The following SERPINB13 variants were observed in gnomAD, a reference collection of about 807,000 sequenced individuals.
SERPINB13 encodes the protein serpin B13.
SERPINB13 carries 26 observed loss-of-function variants against 31.2 expected under a neutral mutation model. The ratio of observed to expected loss-of-function variants is 0.83; its 90% CI spans 0.61 to 1.15. The LOEUF (loss-of-function observed/expected upper bound fraction) is 1.15. Ranked by LOEUF, SERPINB13 falls within the 50% of genes most tolerant of loss-of-function variation. The pLI is 0.00. For synonymous variants in SERPINB13, 191 were observed against 172.4 expected (o/e 1.11, Z -0.85); for missense variants, 510 against 469.4 (o/e 1.09, Z -0.80).
In SERPINB13 at chr18:63,595,014, G is replaced by A; in HGVS notation, c.616-15G>A. On this transcript the variant is annotated splice_polypyrimidine_tract_variant and intron_variant, in intron 6 of 7. Transcript: ENST00000344731. Reference sequence around the variant, plus strand: ...TATGTCCTTTGATATTGTGTGCTCTGTTAATTTGTTGCAGAGCACAAGTAA... The same window carrying A: ...TATGTCCTTTGATATTGTGTGCTCTATTAATTTGTTGCAGAGCACAAGTAA... 1 of 1,600,772 alleles carries A rather than the reference G, an allele frequency of 6.2e-7. No individual in the cohort carries two copies. The highest frequency in any genetic ancestry group is 1.1e-5 in the South Asian group (1 of 88,104).
At chr18:63,587,664 C>T (rs958430232) in intron 1 of SERPINB13, among the ~76,000 whole-genome samples, 17 of 152,188 alleles carry the variant, frequency 1.1e-4, no homozygotes, top group Admixed American at 2.6e-4. Flanking sequence ...GCAAGGAAAC[C>T]TGAGGTTGAA....
In SERPINB13 at chr18:63,599,163, A is replaced by G. The variant is rs1912357122; in HGVS notation, c.*1800A>G. The G allele has an allele frequency of 1.3e-5, 2 of 152,116 alleles. No homozygotes were observed. The highest frequency in any genetic ancestry group is 4.8e-5 in the African/African-American group (2 of 41,426). The allele number at this position is 152,116 out of a possible 1,614,324, so 9.4% of individuals were successfully genotyped here. On this transcript the variant is annotated 3_prime_UTR_variant, in exon 8 of 8. Transcript: ENST00000344731. ...ATAATCTCTGGCTTACAAGTCCTTA[A>G]TTTATCAAATATATGATACGTGGAC...
intron 2 of SERPINB13, 51 bp downstream of exon 2, chr18:63,588,883 GC>G (rs77936810): frequency 0.73 from 1,118,276 of 1,521,480 alleles, 409,973 homozygotes; most frequent in Non-Finnish European, 0.76. Context: ...AATTCATTTG[GC>G]GGGGGGGTTG....
rs1294043105 is a variant in SERPINB13 at position 63,595,114 on chromosome 18, G to A, written c.701G>A (p.Gly234Glu). ...GAGGACTTGCAGGCCAAAATTCTAGGGATTCCATATAAAAACAACGACCTA... is the reference window on the plus strand; with the variant it reads ...GAGGACTTGCAGGCCAAAATTCTAGAGATTCCATATAAAAACAACGACCTA... The part of the protein sequence containing the change: ...FLEDLQAKIL[G>E]IPYKNNDLSM... The change falls in exon 7 of 8, where the codon GGG (glycine) becomes GAG (glutamate). Residue 234 changes from glycine to glutamate, a missense_variant. Gly to Glu is a moderately conservative substitution (Grantham distance 98). Transcript: ENST00000344731. 5.6e-6 allele frequency: 9 copies of A among 1,613,988 alleles called. No individual in the cohort carries two copies. Among genetic ancestry groups the A allele is most frequent in the Non-Finnish European group, 7.6e-6 (9 of 1,179,960 alleles).
intron 3 of SERPINB13, 104 bp from the exon 4 acceptor site, chr18:63,592,244 G>A: frequency 7.6e-7 from 1 of 1,321,762 alleles, no homozygotes; most frequent in Non-Finnish European, 1.0e-6. Flanking sequence ...CACCCTTGAG[G>A]CTGACAAACG....
Position 63,597,493 on chromosome 18 carries a change from A to T in SERPINB13, c.*130A>T. 2.2e-6 allele frequency: 2 copies of T among 923,034 alleles called. No homozygotes were observed. The highest frequency in any genetic ancestry group is 3.3e-6 in the Non-Finnish European group (2 of 615,144). 57.2% of individuals were successfully genotyped at this position (923,034 alleles called of 1,614,324 possible). A position where few individuals can be genotyped will look rare whatever the true frequency, so the allele number is the denominator to read the frequency against. On this transcript the variant is annotated 3_prime_UTR_variant, in exon 8 of 8. Coordinates refer to ENST00000344731, the MANE Select transcript of SERPINB13 (RefSeq NM_012397.4). ...ATTTCCAGTCTTGGCCATCAAATCA[A>T]TGATTTAATGACTCCAATAATGTGT...
chr18:63,592,319 C>T (rs900514944), intron 3 of SERPINB13, 29 bp from the exon 4 acceptor site: 2 of 1,597,668 alleles, frequency 1.3e-6, no homozygotes, highest in African/African-American at 2.7e-5. Context: ...GCCAAGATAA[C>T]CTGTTGAGAT....
chr18:63,592,907 T>G lies in SERPINB13; in HGVS notation c.408T>G (p.Asp136Glu). 6.2e-7 allele frequency: 1 copy of G among 1,613,398 alleles called. No individual in the cohort carries two copies. The highest frequency in any genetic ancestry group is 8.5e-7 in the Non-Finnish European group (1 of 1,179,680). The part of the protein sequence containing the change: ...KYYHASLEPV[D>E]FVNAADESRK... ...ATCATGCATCTCTGGAACCTGTTGA[T>G]TTTGTAAATGCAGCCGATGAAAGTC... Residue 136 changes from aspartate (D) to glutamate (E), a missense_variant, in exon 5 of 8, where the codon GAT becomes GAG. Coordinates refer to ENST00000344731, the MANE Select transcript of SERPINB13 (RefSeq NM_012397.4).
At chr18:63,587,654 G>A (rs1206487788) in intron 1 of SERPINB13, among the ~76,000 whole-genome samples, 2 of 152,244 alleles carry the variant, frequency 1.3e-5, no homozygotes, top group Non-Finnish European at 2.9e-5. Context: ...AAGGATCTCT[G>A]CAAGGAAACC....
At chr18:63,592,587 G>A in intron 4 of SERPINB13, 111 bp downstream of exon 4, 1 of 1,128,090 alleles carries the variant, frequency 8.9e-7, no homozygotes, top group South Asian at 1.5e-5. Flanking sequence ...CCACATCCCT[G>A]TGGTGCTTTT....
At chr18:63,593,932 T>C (rs942839118) in intron 5 of SERPINB13, 12 of 465,036 alleles carry the variant, frequency 2.6e-5, no homozygotes, top group African/African-American at 2.2e-4. Context: ...GAGTGCTTAT[T>C]ATGTGTGAGA....
Position 63,597,703 on chromosome 18 carries a change from G to C in SERPINB13, c.*340G>C, listed in dbSNP as rs539808471. 1.0e-5 allele frequency: 2 copies of C among 197,832 alleles called. No individual in the cohort carries two copies. The highest frequency in any genetic ancestry group is 5.3e-5 in the Admixed American group (1 of 18,890). The allele number at this position is 197,832 out of a possible 1,614,324, so 12.3% of individuals were successfully genotyped here. On this transcript the variant is annotated 3_prime_UTR_variant, in exon 8 of 8. Coordinates refer to ENST00000344731, the MANE Select transcript of SERPINB13 (RefSeq NM_012397.4). ...TAAAGAGTACGAACTAGTAATTTTG[G>C]GGGGTCTCTCTAATTCTGGTATTTT...
At chr18:63,590,917 C>G (rs1568144586) in intron 3 of SERPINB13, among the ~76,000 whole-genome samples, 1 of 152,180 alleles carries the variant, frequency 6.6e-6, no homozygotes, top group Non-Finnish European at 1.5e-5. Flanking sequence ...TGCCCAGAGA[C>G]TGGCTTGGCA....
In SERPINB13 at chr18:63,595,123, A is replaced by T. The variant is rs1912088603; in HGVS notation, c.710A>T (p.Tyr237Phe). 4 of 1,614,128 alleles carry T rather than the reference A, an allele frequency of 2.5e-6. No individual in the cohort carries two copies. The highest frequency in any genetic ancestry group is 3.4e-6 in the Non-Finnish European group (4 of 1,180,000). ...CAGGCCAAAATTCTAGGGATTCCAT[A>T]TAAAAACAACGACCTAAGCATGTTT... ...DLQAKILGIPYKNNDLSMFVL... is the reference protein window; with the variant it reads ...DLQAKILGIPFKNNDLSMFVL... Residue 237 changes from tyrosine (Y) to phenylalanine (F), a missense_variant, in exon 7 of 8, where the codon TAT becomes TTT. Transcript: ENST00000344731.
At position 63,597,165 on chromosome 18, in the gene SERPINB13, C is replaced by G; in HGVS notation, c.978C>G (p.Tyr326Ter). The G allele has an allele frequency of 6.2e-7, 1 of 1,614,202 alleles. No individual in the cohort carries two copies. Among genetic ancestry groups the G allele is most frequent in the Non-Finnish European group, 8.5e-7 (1 of 1,180,040 alleles). ...GAATGTCGTCAGGCTCCGGGTTGTA[C>G]GCCCAGAAGTTCCTGCACAGTTCCT... ...YSGMSSGSGL[Y>*]AQKFLHSSFV... Residue 326 changes from tyrosine (Y) to a stop codon, truncating the protein, a stop_gained, in exon 8 of 8, where the codon TAC becomes TAG. Transcript: ENST00000344731. LOFTEE classifies it low-confidence loss of function (END_TRUNC).
Position 63,597,452 on chromosome 18 carries a change from A to G in SERPINB13, c.*89A>G. On this transcript the variant is annotated 3_prime_UTR_variant, in exon 8 of 8. Transcript: ENST00000344731. ...TTATGAAAATCGTCCATTCTTTTAA[A>G]TGTTGTCTCACTTGCATTTCCAGTC... 2.2e-6 allele frequency: 3 copies of G among 1,365,536 alleles called. No individual in the cohort carries two copies. Among genetic ancestry groups the G allele is most frequent in the Non-Finnish European group, 3.0e-6 (3 of 1,004,298 alleles). The allele number at this position is 1,365,536 out of a possible 1,614,324, so 84.6% of individuals were successfully genotyped here. A position where few individuals can be genotyped will look rare whatever the true frequency, so the allele number is the denominator to read the frequency against.
intron 5 of SERPINB13, among the ~76,000 whole-genome samples, chr18:63,593,588 C>A (rs893312445): frequency 6.6e-6 from 1 of 152,152 alleles, no homozygotes; most frequent in African/African-American, 2.4e-5. Context: ...TATGGGAAAT[C>A]CACAGAGAAA....
chr18:63,591,193 C>G (rs1210546858), intron 3 of SERPINB13, among the ~76,000 whole-genome samples: 1 of 152,060 alleles, frequency 6.6e-6, no homozygotes, highest in Non-Finnish European at 1.5e-5. Context: ...TCATTATTCC[C>G]ACGTATTTAT....
intron 3 of SERPINB13, among the ~76,000 whole-genome samples, chr18:63,592,074 G>T (rs140879773): frequency 4.5e-4 from 69 of 152,236 alleles, no homozygotes; most frequent in Middle Eastern, 3.4e-3. Context: ...TTTTATTTGA[G>T]ACCAAAAAAG....
Sources: allele counts gnomAD v4.1 joint callset (sites outside exome capture counted in the v4.1 genomes callset), GRCh38; gene constraint gnomAD v4.1.1; transcripts MANE v1.5; gene names NCBI Gene and HGNC (gene_info 2026-07-23, HGNC 2026-07-21).